The following TRPM8 variants were observed in gnomAD, a reference collection of about 807,000 sequenced individuals.
TRPM8 encodes TRPM8 cationic channel.
A neutral mutation model predicts 133.7 loss-of-function variants in TRPM8; 110 were observed. That is an observed-to-expected ratio of 0.82 (90% CI 0.70 to 0.96). The LOEUF (loss-of-function observed/expected upper bound fraction) is 0.96, where lower values mean the gene tolerates loss of function less well. Ranked by LOEUF, TRPM8 falls within the 40% of genes least tolerant of loss-of-function variation. TRPM8 has a pLI of 0.00. For missense variants in TRPM8, 1,291 were observed against 1,379.5 expected (o/e 0.94, Z 1.02); for synonymous variants, 535 against 532.3 (o/e 1.01, Z -0.07).
intron 1 of TRPM8, among the ~76,000 whole-genome samples, chr2:233,918,710 C>T (rs1382052666): frequency 6.6e-6 from 1 of 152,118 alleles, no homozygotes; most frequent in Non-Finnish European, 1.5e-5. Context: ...ATAATGCCTA[C>T]AACAAAATAA....
chr2:234,009,952 T>A (rs767731744), intron 24 of TRPM8, among the ~76,000 whole-genome samples: 8 of 152,194 alleles, frequency 5.3e-5, no homozygotes, highest in Non-Finnish European at 8.8e-5. Context: ...CTTCTACATA[T>A]TTACCATCTG....
At chr2:233,939,229 G>A (rs1690843569) in intron 5 of TRPM8, 54 bp downstream of exon 5, 1 of 1,592,284 alleles carries the variant, frequency 6.3e-7, no homozygotes, top group African/African-American at 1.3e-5. Flanking sequence ...CACCAAGTTT[G>A]GGGAGCAGAG....
rs542865157 is a variant in TRPM8, at chr2:233,989,072, T to C, written c.2939+3207T>C. ...TCCTAAAACCATGGCCTTTGAGTTA[T>C]GCTAACTTGGTAAATCTCAACGAGG... On this transcript the variant is annotated intron_variant, in intron 21 of 25. Coordinates refer to ENST00000324695, the MANE Select transcript of TRPM8 (RefSeq NM_024080.5). This position sits in a 1 kb window ranked among gnomAD's most constrained non-coding sequence, Gnocchi z 4.2. Among the ~76,000 whole-genome samples the C allele has an allele frequency of 1.3e-5, 2 of 152,344 alleles. No homozygotes were observed. Among genetic ancestry groups the C allele is most frequent in the African/African-American group, 2.4e-5 (1 of 41,584 alleles).
chr2:233,961,761 C>T (rs1038661557), intron 12 of TRPM8, among the ~76,000 whole-genome samples: 4 of 151,372 alleles, frequency 2.6e-5, no homozygotes, highest in Non-Finnish European at 4.4e-5. Context: ...TCCCGAGTAG[C>T]TGGGATTACA....
intron 22 of TRPM8, 34 bp from the exon 23 acceptor site, chr2:234,006,819 C>G (rs750438932): frequency 3.9e-6 from 6 of 1,521,756 alleles, no homozygotes; most frequent in Non-Finnish European, 5.4e-6. Context: ...GCAAATGAAA[C>G]AATTTGAATG....
intron 15 of TRPM8, among the ~76,000 whole-genome samples, chr2:233,969,324 A>AAAAAAAAAATACAAAAAAATAC (rs1491192572): frequency 9.9e-6 from 1 of 101,050 alleles, no homozygotes; most frequent in African/African-American, 8.0e-5. Flanking sequence ...CCAAAAATAC[A>AAAAAAAAAATACAAAAAAATAC]AAAAAAAAAA....
chr2:233,971,829 A>G (rs924568497), intron 17 of TRPM8, among the ~76,000 whole-genome samples: 7 of 151,952 alleles, frequency 4.6e-5, no homozygotes, highest in African/African-American at 1.7e-4. Flanking sequence ...CAAAGCTTCC[A>G]CACTGTGGAA....
At chr2:234,013,537 T>G (rs1692890018) in intron 24 of TRPM8, 1 of 152,210 alleles carries the variant, frequency 6.6e-6, no homozygotes, top group African/African-American at 2.4e-5. Context: ...CTTAAAAGGT[T>G]TGTTGATTTT....
intron 12 of TRPM8, among the ~76,000 whole-genome samples, chr2:233,962,923 G>C (rs1302709959): frequency 6.6e-6 from 1 of 152,170 alleles, no homozygotes; most frequent in Non-Finnish European, 1.5e-5. Context: ...CCATAGGAAA[G>C]TTGGAATCTA....
intron 11 of TRPM8, among the ~76,000 whole-genome samples, chr2:233,957,541 T>A (rs181146942): frequency 6.6e-6 from 1 of 152,066 alleles, no homozygotes; most frequent in Admixed American, 6.5e-5. Context: ...AACAAAAAAA[T>A]TAAATTATTC....
At chr2:233,921,817 C>CCCG (rs767757982) in intron 1 of TRPM8, among the ~76,000 whole-genome samples, 1 of 151,200 alleles carries the variant, frequency 6.6e-6, no homozygotes, top group Non-Finnish European at 1.5e-5. Flanking sequence ...ATTACAGGTG[C>CCCG]CCGCCACCAC....
intron 22 of TRPM8, 82 bp downstream of exon 22, chr2:233,996,598 G>A (rs1574775889): frequency 7.8e-7 from 1 of 1,280,360 alleles, no homozygotes; most frequent in South Asian, 1.3e-5. Context: ...ATCTCAACAG[G>A]AAGGAATTAT....
intron 2 of TRPM8, 78 bp downstream of exon 2, chr2:233,926,732 G>T: frequency 1.8e-6 from 2 of 1,095,598 alleles, no homozygotes; most frequent in East Asian, 2.4e-5. Flanking sequence ...TTTGCACATT[G>T]ACTTTTAGAA....
rs1176198943 is a variant in TRPM8 at position 234,018,799 on chromosome 2, T to G, written c.*1543T>G. 6.6e-6 allele frequency: 1 copy of G among 151,198 alleles called. No homozygotes were observed. Among genetic ancestry groups the G allele is most frequent in the Non-Finnish European group, 1.5e-5 (1 of 67,930 alleles). 9.4% of individuals were successfully genotyped at this position (151,198 alleles called of 1,614,324 possible). On this transcript the variant is annotated 3_prime_UTR_variant, in exon 26 of 26. Transcript: ENST00000324695. ...GGCGGAGGTTGCAGTGAACCAAGAT[T>G]GCACCACTGCACTCCAGCCGGGGTG...
chr2:234,000,389 A>G (rs866723218), intron 22 of TRPM8, among the ~76,000 whole-genome samples: 1 of 152,120 alleles, frequency 6.6e-6, no homozygotes, highest in Non-Finnish European at 1.5e-5. Flanking sequence ...GATTACAGGC[A>G]TGAGCCACTG....
chr2:234,001,017 G>A (rs569175135), intron 22 of TRPM8, among the ~76,000 whole-genome samples: 1 of 152,204 alleles, frequency 6.6e-6, no homozygotes, highest in Non-Finnish European at 1.5e-5. Flanking sequence ...ATGAAGAGTG[G>A]AAGGTTGTGG....
At chr2:233,981,456 G>T (rs1050537419) in intron 18 of TRPM8, among the ~76,000 whole-genome samples, 2 of 152,164 alleles carry the variant, frequency 1.3e-5, no homozygotes, top group Non-Finnish European at 2.9e-5. Flanking sequence ...TAGAAGCCTT[G>T]TGAGCCAGGG....
rs1174508207 is a variant in TRPM8 at position 233,942,575 on chromosome 2, G to A, written c.527-1G>A. 1.2e-6 allele frequency: 2 copies of A among 1,614,056 alleles called. No individual in the cohort carries two copies. The highest frequency in any genetic ancestry group is 1.6e-4 in the Middle Eastern group (1 of 6,082). On this transcript the variant is annotated splice_acceptor_variant, in intron 5 of 25. Transcript: ENST00000324695. LOFTEE classifies it high-confidence loss of function. ...CATTTACTCTTCCTATTTGTTGACA[G>A]GTGCTTGGATTCTCACGGGAGGCAC... is the stretch of plus-strand genomic sequence containing the variant.
intron 17 of TRPM8, among the ~76,000 whole-genome samples, chr2:233,975,811 G>C (rs1023832304): frequency 1.3e-5 from 2 of 152,236 alleles, no homozygotes; most frequent in African/African-American, 4.8e-5. Flanking sequence ...GAACCCTGGA[G>C]GCAGAGGTTG....
Sources: gnomAD v4.1 joint callset for allele counts (sites outside exome capture counted in the v4.1 genomes callset) on GRCh38, gnomAD v4.1.1 for gene constraint, Gnocchi (gnomAD v3.1) non-coding constraint, MANE v1.5 for transcripts, NCBI Gene and HGNC (gene_info 2026-07-23, HGNC 2026-07-21) for gene names.